Variants in CERS2 observed in about 807,000 individuals in gnomAD.
CERS2 encodes the protein LAG1 homolog, ceramide synthase 2.
A neutral mutation model predicts 56.6 loss-of-function variants in CERS2; 20 were observed. The ratio of observed to expected loss-of-function variants is 0.35; its 90% CI spans 0.25 to 0.51. The LOEUF is 0.51. Ranked by LOEUF, CERS2 falls within the 20% of genes least tolerant of loss-of-function variation. The pLI, the probability that CERS2 is intolerant of heterozygous loss-of-function variation, is 0.96. For synonymous variants in CERS2, 187 were observed against 175.4 expected, an observed-to-expected ratio of 1.07 and a Z score of -0.52; for missense variants, 361 against 488.6, an observed-to-expected ratio of 0.74 and a Z score of 2.46.
intron 3 of CERS2, 47 bp from the exon 4 acceptor site, chr1:150,968,248 A>G (rs2102768729): frequency 6.3e-7 from 1 of 1,576,902 alleles, no homozygotes; most frequent in East Asian, 2.2e-5. Flanking sequence ...TTCGGAACTC[A>G]GCAGCATCCC....
chr1:150,971,377 G>C (rs1671176886), intron 1 of CERS2, among the ~76,000 whole-genome samples: 1 of 151,830 alleles, frequency 6.6e-6, no homozygotes, highest in African/African-American at 2.4e-5. Flanking sequence ...CACCACTGTA[G>C]CCCTTGCGAA....
At chr1:150,970,128 T>C (rs1671139447) in intron 1 of CERS2, among the ~76,000 whole-genome samples, 1 of 146,818 alleles carries the variant, frequency 6.8e-6, no homozygotes, top group Non-Finnish European at 1.5e-5. Flanking sequence ...CTCAGGAGGC[T>C]GAGGTGGGAG....
intron 1 of CERS2, among the ~76,000 whole-genome samples, chr1:150,971,451 T>TG (rs1215453394): frequency 6.6e-6 from 1 of 151,490 alleles, no homozygotes. Context: ...TCCCCACTCC[T>TG]GGTCACTGCT....
rs763984550 is a variant in CERS2 at position 150,968,883 on chromosome 1, CAG to C, written c.173+33_173+34del. 48 of 1,593,234 alleles carry C rather than the reference CAG, an allele frequency of 3.0e-5. 1 individual carries two copies. Among genetic ancestry groups the C allele is most frequent in the Middle Eastern group, 4.3e-4 (2 of 4,628 alleles). On this transcript the variant is annotated intron_variant, in intron 2 of 10. Coordinates refer to ENST00000368954, the MANE Select transcript of CERS2 (RefSeq NM_022075.5). ...AAGTCCAAGAAACTGCAACTGGCAA[CAG>C]GGGAAGGCATGAGGGTAGGCTGGCA...
At chr1:150,967,571 A>G (rs1052279259) in intron 6 of CERS2, 87 bp from the exon 7 acceptor site, 9 of 1,435,690 alleles carry the variant, frequency 6.3e-6, no homozygotes, top group African/African-American at 1.4e-5. Flanking sequence ...TCTTCATTCC[A>G]TCACTCTAAT....
chr1:150,969,570 C>CAA (rs5777746), intron 1 of CERS2, among the ~76,000 whole-genome samples: 1,973 of 119,250 alleles, frequency 0.017, 18 homozygotes, highest in Non-Finnish European at 0.022. Context: ...GAGACTGTCT[C>CAA]AAAAAAAAAA....
rs1355471060 is a variant in CERS2, at chr1:150,968,128, C to T, written c.365G>A (p.Arg122His). 4 of 1,609,492 alleles carry T rather than the reference C, an allele frequency of 2.5e-6. No homozygotes were observed. The highest frequency in any genetic ancestry group is 2.5e-6 in the Non-Finnish European group (3 of 1,179,996). Residue 122 changes from arginine (R) to histidine (H), a missense_variant, in exon 4 of 11, where the codon CGC (arginine) becomes CAC (histidine). By Grantham distance (29) the Arg-to-His change is conservative (BLOSUM62 0). Coordinates refer to ENST00000368954, the MANE Select transcript of CERS2 (RefSeq NM_022075.5). ...GAGGAGACTGGGCCGGTCCTGGTTG[C>T]GGCGGCGACGGAACCAACGCTCTAC... ...RQVERWFRRR[R>H]NQDRPSLLKK...
intron 6 of CERS2, 32 bp from the exon 7 acceptor site, chr1:150,967,516 G>A (rs2102767784): frequency 7.0e-7 from 1 of 1,434,464 alleles, no homozygotes; most frequent in East Asian, 2.3e-5. Flanking sequence ...AGAGCAACCA[G>A]CCGCAAGGGT....
chr1:150,969,273 C>T, intron 1 of CERS2, 182 bp from the exon 2 acceptor site: 1 of 600,276 alleles, frequency 1.7e-6, no homozygotes, highest in Non-Finnish European at 2.9e-6. Context: ...GGTGGCTTTC[C>T]AGTTTTAACA....
rs1263703271 is a variant in CERS2 at position 150,967,217 on chromosome 1, C to A, written c.613-15G>T. 1 of 1,613,490 alleles carries A rather than the reference C, an allele frequency of 6.2e-7. No individual in the cohort carries two copies. Among genetic ancestry groups the A allele is most frequent in the Non-Finnish European group, 8.5e-7 (1 of 1,179,438 alleles). On this transcript the variant is annotated splice_polypyrimidine_tract_variant and intron_variant, in intron 7 of 10. Coordinates refer to ENST00000368954, the MANE Select transcript of CERS2 (RefSeq NM_022075.5). ...TCCTTGAAATCCTGCAGAGATGATG[C>A]AGGCCCCAGGGCCTTTTTTTATTCC...
intron 7 of CERS2, 73 bp downstream of exon 7, chr1:150,967,319 G>A (rs1671051540): frequency 7.0e-7 from 1 of 1,428,338 alleles, no homozygotes; most frequent in Non-Finnish European, 9.9e-7. Context: ...GTACCCAGAA[G>A]TCAAAGGAGA....
intron 1 of CERS2, chr1:150,971,798 A>G: frequency 2.1e-6 from 1 of 468,496 alleles, no homozygotes; most frequent in African/African-American, 2.0e-5. Flanking sequence ...CCCTCTTCCC[A>G]CTTTTTTGCT....
intron 1 of CERS2, 119 bp downstream of exon 1, chr1:150,974,499 CT>C: frequency 6.7e-6 from 1 of 149,748 alleles, no homozygotes; most frequent in Non-Finnish European, 1.5e-5. Context: ...GCCCCGCGGC[CT>C]TCCCAGCCCG....
intron 1 of CERS2, among the ~76,000 whole-genome samples, chr1:150,972,887 T>C (rs1437915438): frequency 1.3e-5 from 2 of 152,090 alleles, no homozygotes; most frequent in Non-Finnish European, 2.9e-5. Flanking sequence ...AGGATCCCCA[T>C]GGGAGTTTGT....
At position 150,974,641 on chromosome 1, in the gene CERS2, C is replaced by A; in HGVS notation, c.-24G>T. 6.7e-6 allele frequency: 1 copy of A among 150,118 alleles called. No homozygotes were observed. Among genetic ancestry groups the A allele is most frequent in the South Asian group, 1.8e-4 (1 of 5,420 alleles). 9.3% of individuals were successfully genotyped at this position (150,118 alleles called of 1,614,324 possible). Reference sequence around the variant, plus strand: ...CACCCGGCGGCAGCGTTGGCGGGGCCGGGGCCGCTGCTCCGTGTACTCCGT... The same window carrying A: ...CACCCGGCGGCAGCGTTGGCGGGGCAGGGGCCGCTGCTCCGTGTACTCCGT... On this transcript the variant is annotated 5_prime_UTR_variant, in exon 1 of 11. Coordinates refer to ENST00000368954, the MANE Select transcript of CERS2 (RefSeq NM_022075.5).
Position 150,968,487 on chromosome 1 carries a change from G to A in CERS2, c.199C>T (p.Leu67Phe). 1.2e-6 allele frequency: 2 copies of A among 1,614,130 alleles called. No individual in the cohort carries two copies. Among genetic ancestry groups the A allele is most frequent in the Non-Finnish European group, 8.5e-7 (1 of 1,179,968 alleles). ...CGAGTTTTCTCCTTTATGTTCAAGA[G>A]GGCAGCCAGTGGTGTAGCCACGTAC... ...ELYVATPLAA[L>F]LNIKEKTRLR... The change falls in exon 3 of 11, where the codon CTC becomes TTC. Residue 67 changes from leucine to phenylalanine, a missense_variant. Leu to Phe is a conservative substitution (Grantham distance 22). Around this residue, in one of 3 missense-constraint regions of CERS2, gnomAD observed 236 missense variants for 309.2 expected, o/e 0.76. Coordinates refer to ENST00000368954, the MANE Select transcript of CERS2 (RefSeq NM_022075.5).
Position 150,967,162 on chromosome 1 carries a change from A to G in CERS2, c.653T>C (p.Ile218Thr), listed in dbSNP as rs1393017371. ...EQIIHHVATIILISFSWFANY... is the reference protein window; with the variant it reads ...EQIIHHVATITLISFSWFANY... The stretch of plus-strand genomic sequence containing the variant: ...GGCAAACCAGGAAAAGCTGATGAGA[A>G]TGATGGTGGCCACATGGTGGATGAT... The change falls in exon 8 of 11, where the codon ATT becomes ACT. Residue 218 changes from isoleucine (I) to threonine (T), a missense_variant. Ile to Thr is a moderately conservative substitution (Grantham distance 89). This residue lies in a region of CERS2 where 236 missense variants were observed against 309.2 expected (regional missense o/e 0.76). Transcript: ENST00000368954. 6.2e-7 allele frequency: 1 copy of G among 1,613,654 alleles called. No homozygotes were observed. The highest frequency in any genetic ancestry group is 8.5e-7 in the Non-Finnish European group (1 of 1,179,662).
chr1:150,967,479 A>G lies in CERS2; in HGVS notation c.525T>C (p.Thr175=). 6.3e-7 allele frequency: 1 copy of G among 1,579,664 alleles called. No individual in the cohort carries two copies. Among genetic ancestry groups the G allele is most frequent in the East Asian group, 2.2e-5 (1 of 44,714 alleles). ...TGTAGTACCAATACTGGGAAGGGAT[A>G]GTGCTCTGGGAGAGGAGAGAGAGGT... ...KVWEGYPIQS[T]IPSQYWYYMI... Residue 175 remains threonine, a synonymous_variant, in exon 7 of 11, where the codon ACT becomes ACC. Coordinates refer to ENST00000368954, the MANE Select transcript of CERS2 (RefSeq NM_022075.5).
Position 150,967,396 on chromosome 1 carries a change from C to T in CERS2, c.608G>A (p.Arg203Gln), listed in dbSNP as rs1273712260. The change falls in exon 7 of 11, where the codon CGA (arginine) becomes CAA (glutamine). Residue 203 changes from arginine (R) to glutamine (Q), a missense_variant. This residue lies in a region of CERS2 where 236 missense variants were observed against 309.2 expected (regional missense o/e 0.76). Transcript: ENST00000368954. ...TTGCACAACCCCTTCACCCACCTTTCGCTTGACATCAGAGGCAATGCTGAA... is the reference window on the plus strand; with the variant it reads ...TTGCACAACCCCTTCACCCACCTTTTGCTTGACATCAGAGGCAATGCTGAA... ...LLFSIASDVK[R>Q]KDFKEQIIHH... is the part of the protein sequence containing the mutation. 6.3e-7 allele frequency: 1 copy of T among 1,590,842 alleles called. No individual in the cohort carries two copies. Among genetic ancestry groups the T allele is most frequent in the African/African-American group, 1.3e-5 (1 of 74,512 alleles).
Sources: allele counts gnomAD v4.1 joint callset (sites outside exome capture counted in the v4.1 genomes callset), GRCh38; gene constraint gnomAD v4.1.1; regional missense constraint gnomAD v4.1.1; transcripts MANE v1.5; gene names NCBI Gene and HGNC (gene_info 2026-07-23, HGNC 2026-07-21).